The following CIZ1 variants were observed in gnomAD, a reference collection of about 807,000 sequenced individuals.
CIZ1 encodes CDKN1A interacting zinc finger protein 1.
CIZ1 carries 58 observed loss-of-function variants against 118.6 expected under a neutral mutation model. The ratio of observed to expected loss-of-function variants is 0.49; its 90% CI spans 0.40 to 0.61. The LOEUF (loss-of-function observed/expected upper bound fraction) is 0.61, where lower values mean the gene tolerates loss of function less well. Ranked by LOEUF, CIZ1 falls within the 20% of genes least tolerant of loss-of-function variation. The pLI is 0.00. For synonymous variants in CIZ1, 448 were observed against 443.4 expected (o/e 1.01, Z -0.13); for missense variants, 921 against 1,115.9 (o/e 0.83, Z 2.49).
At position 128,191,463 on chromosome 9, in the gene CIZ1, TCGC is replaced by T. The variant is rs1833138232; in HGVS notation, c.-40_-38del. 1 of 982,968 alleles carries T rather than the reference TCGC, an allele frequency of 1.0e-6. No homozygotes were observed. The highest frequency in any genetic ancestry group is 1.7e-5 in the African/African-American group (1 of 57,182). The allele number at this position is 982,968 out of a possible 1,614,324, so 60.9% of individuals were successfully genotyped here. A position where few individuals can be genotyped will look rare whatever the true frequency, so the allele number is the denominator to read the frequency against. Reference sequence around the variant, plus strand: ...TCCCCGCGCGCCCTCAACGCTCAAGTCGCCCCCACGGATGGGCCGGCCCCGCAG... The same window carrying T: ...TCCCCGCGCGCCCTCAACGCTCAAGTCCCCACGGATGGGCCGGCCCCGCAG... On this transcript the variant is annotated 5_prime_UTR_variant, in exon 1 of 17. Coordinates refer to ENST00000372938, the MANE Select transcript of CIZ1 (RefSeq NM_001131016.2). This position sits in a 1 kb window ranked among gnomAD's most constrained non-coding sequence, Gnocchi z 5.5.
chr9:128,173,135 CTTTTTTTTTTTTT>C (rs957423189), intron 11 of CIZ1, among the ~76,000 whole-genome samples: 3 of 80,796 alleles, frequency 3.7e-5, no homozygotes, highest in South Asian at 4.3e-4. Context: ...TGGCTAATTT[CTTTTTTTTTTTTT>C]TTTTTTTTTT....
At position 128,178,489 on chromosome 9, in the gene CIZ1, G is replaced by C; in HGVS notation, c.1500C>G (p.Gly500=). 1 of 1,614,164 alleles carries C rather than the reference G, an allele frequency of 6.2e-7. No homozygotes were observed. The highest frequency in any genetic ancestry group is 8.5e-7 in the Non-Finnish European group (1 of 1,180,018). Residue 500 remains glycine (G), a splice_region_variant and synonymous_variant, in exon 9 of 17, where the codon GGC becomes GGG. Coordinates refer to ENST00000372938, the MANE Select transcript of CIZ1 (RefSeq NM_001131016.2). ...MPPDAVEAGG[G]MEKTLPEPVG... ...CAGGCTCTGGCAAGGTCTTTTCCAT[G>C]CCTGAAATGACAGATGTGCTGTATT...
chr9:128,171,456 G>A (rs1046492439), intron 11 of CIZ1, among the ~76,000 whole-genome samples: 5 of 148,272 alleles, frequency 3.4e-5, no homozygotes, highest in South Asian at 2.1e-4. Flanking sequence ...GGCCGGGCAC[G>A]GTGGCTCACG....
intron 11 of CIZ1, among the ~76,000 whole-genome samples, chr9:128,174,935 G>A (rs1471925486): frequency 6.6e-6 from 1 of 152,228 alleles, no homozygotes; most frequent in African/African-American, 2.4e-5. Context: ...TAGGATTACA[G>A]GCCTGAGCCA....
intron 11 of CIZ1, among the ~76,000 whole-genome samples, chr9:128,170,755 C>T (rs891397398): frequency 6.6e-6 from 1 of 152,228 alleles, no homozygotes; most frequent in Non-Finnish European, 1.5e-5. Flanking sequence ...AGAAGAAACG[C>T]CTTCTGCTTC....
chr9:128,172,713 T>C (rs1248002318), intron 11 of CIZ1, among the ~76,000 whole-genome samples: 1 of 152,138 alleles, frequency 6.6e-6, no homozygotes, highest in African/African-American at 2.4e-5. Flanking sequence ...CCAGAAAGGA[T>C]CACAAGAAGA....
chr9:128,169,058 G>C lies in CIZ1; in HGVS notation c.2289C>G (p.Cys763Trp), dbSNP rs772355425. Residue 763 changes from cysteine (C) to tryptophan (W), a missense_variant, in exon 14 of 17, where the codon TGC (cysteine) becomes TGG (tryptophan). Cys to Trp is a radical substitution (Grantham distance 215). Coordinates refer to ENST00000372938, the MANE Select transcript of CIZ1 (RefSeq NM_001131016.2). ...CACACCCTCCCCCCAGCACCTGCTTGCAGAGTTCCTCCTCAACCTCGATCT... is the reference window on the plus strand; with the variant it reads ...CACACCCTCCCCCCAGCACCTGCTTCCAGAGTTCCTCCTCAACCTCGATCT... ...EEEIEVEEEL[C>W]KQVRSRDISR... The C allele has an allele frequency of 2.5e-6, 4 of 1,614,124 alleles. No homozygotes were observed. In the South Asian group the frequency reaches 4.4e-5, roughly 18 times the overall value.
chr9:128,173,728 C>T (rs373187335), intron 11 of CIZ1, among the ~76,000 whole-genome samples: 4 of 151,476 alleles, frequency 2.6e-5, no homozygotes, highest in African/African-American at 7.3e-5. Context: ...CAACGCGGGC[C>T]GGGCATGGTG....
intron 5 of CIZ1, among the ~76,000 whole-genome samples, chr9:128,183,476 C>A (rs1831948650): frequency 6.6e-6 from 1 of 152,212 alleles, no homozygotes; most frequent in Admixed American, 6.5e-5. Context: ...CAGAAGTGGC[C>A]CGCCCTGGAG....
intron 11 of CIZ1, among the ~76,000 whole-genome samples, chr9:128,171,183 G>C (rs1114100): frequency 0.62 from 93,580 of 152,032 alleles, 29,227 homozygotes; most frequent in Admixed American, 0.73. Flanking sequence ...TATAATCCCA[G>C]CACTTTGGGA....
intron 3 of CIZ1, among the ~76,000 whole-genome samples, chr9:128,188,352 G>A (rs1301652436): frequency 6.6e-6 from 1 of 152,174 alleles, no homozygotes; most frequent in African/African-American, 2.4e-5. Context: ...GAAAAAAAAT[G>A]GGATGAAAGA....
At chr9:128,172,472 A>G (rs1295433167) in intron 11 of CIZ1, among the ~76,000 whole-genome samples, 57 of 152,226 alleles carry the variant, frequency 3.7e-4, no homozygotes, top group Non-Finnish European at 7.8e-4. Flanking sequence ...CAGCCTGGGC[A>G]ACGGAGCGAG....
Position 128,176,389 on chromosome 9 carries a change from C to T in CIZ1, c.1905G>A (p.Leu635=). Residue 635 remains leucine, a synonymous_variant, in exon 11 of 17, where the codon CTG becomes CTA. Coordinates refer to ENST00000372938, the MANE Select transcript of CIZ1 (RefSeq NM_001131016.2). The stretch of plus-strand genomic sequence containing the variant: ...CCAGGACGTCCCGGGGCACGGGCAG[C>T]AGGGACAGGAGGCAGGCTTGGCTCA... ...QHMSQACLLS[L]LPVPRDVLET... 1.2e-6 allele frequency: 2 copies of T among 1,614,048 alleles called. No individual in the cohort carries two copies. Among genetic ancestry groups the T allele is most frequent in the Middle Eastern group, 1.7e-4 (1 of 6,060 alleles).
At chr9:128,188,694 T>C (rs1013911812) in intron 3 of CIZ1, among the ~76,000 whole-genome samples, 1 of 152,140 alleles carries the variant, frequency 6.6e-6, no homozygotes, top group Middle Eastern at 3.4e-3. Context: ...AATGCAGTGA[T>C]ACAATTTTGG....
upstream of CIZ1, among the ~76,000 whole-genome samples, chr9:128,194,255 G>A (rs151159026): frequency 0.069 from 10,422 of 151,342 alleles, 748 homozygotes; most frequent in East Asian, 0.42. Context: ...CCAGCTACTC[G>A]GGAGGATGAG....
intron 14 of CIZ1, among the ~76,000 whole-genome samples, chr9:128,168,539 A>G (rs1471558903): frequency 2.0e-5 from 3 of 151,926 alleles, no homozygotes; most frequent in Non-Finnish European, 4.4e-5. Context: ...AAAAAAAAAA[A>G]AAAACTGCAA....
At chr9:128,189,689 G>A (rs1040278217) in intron 3 of CIZ1, among the ~76,000 whole-genome samples, 3 of 151,888 alleles carry the variant, frequency 2.0e-5, no homozygotes, top group Admixed American at 6.6e-5. Context: ...GCATGGTGGC[G>A]GGCACCTGTA....
chr9:128,188,854 G>T (rs1165481947), intron 3 of CIZ1, among the ~76,000 whole-genome samples: 1 of 151,354 alleles, frequency 6.6e-6, no homozygotes, highest in Non-Finnish European at 1.5e-5. Flanking sequence ...GCTGGAGTAC[G>T]GTGGCGCGAT....
chr9:128,194,615 G>C (rs1220875011), upstream of CIZ1, among the ~76,000 whole-genome samples: 1 of 151,494 alleles, frequency 6.6e-6, no homozygotes, highest in African/African-American at 2.4e-5. Flanking sequence ...TCAGGAGTTC[G>C]AGACCAGCCT....
Sources: gnomAD v4.1 joint callset for allele counts (sites outside exome capture counted in the v4.1 genomes callset) on GRCh38, gnomAD v4.1.1 for gene constraint, Gnocchi (gnomAD v3.1) non-coding constraint, MANE v1.5 for transcripts, NCBI Gene and HGNC (gene_info 2026-07-23, HGNC 2026-07-21) for gene names.